Variants in REDIC1 observed in about 807,000 individuals in gnomAD.
REDIC1 encodes HEI10 Interacting Protein 1.
chr12:39,752,036 G>A, the REDIC1 span, among the ~76,000 whole-genome samples: 4 of 152,074 alleles, frequency 2.6e-5, no homozygotes, highest in African/African-American at 7.2e-5. Flanking sequence ...ATGTATCCTA[G>A]AACTTAAAGT....
At chr12:39,632,520 A>G in the REDIC1 span, among the ~76,000 whole-genome samples, 6 of 151,044 alleles carry the variant, frequency 4.0e-5, no homozygotes, top group Admixed American at 3.3e-4. Context: ...ATATACACAT[A>G]TATGTATATA....
chr12:39,833,182 T>A, the REDIC1 span, among the ~76,000 whole-genome samples: 1 of 152,158 alleles, frequency 6.6e-6, no homozygotes, highest in Admixed American at 6.6e-5. Flanking sequence ...ATTTCTTTAC[T>A]TATTGTTTAT....
the REDIC1 span, among the ~76,000 whole-genome samples, chr12:39,725,727 T>C: frequency 6.6e-6 from 1 of 151,414 alleles, no homozygotes; most frequent in Non-Finnish European, 1.5e-5. Flanking sequence ...TATTTATTCA[T>C]GTATATTTTA....
At chr12:39,643,930 A>G in the REDIC1 span, 1 of 1,509,462 alleles carries the variant, frequency 6.6e-7, no homozygotes, top group Admixed American at 2.0e-5. Context: ...AAGTCATTCC[A>G]ATTGCATTCT....
the REDIC1 span, among the ~76,000 whole-genome samples, chr12:39,748,333 A>T: frequency 6.6e-6 from 1 of 152,210 alleles, no homozygotes; most frequent in Non-Finnish European, 1.5e-5. Context: ...AAGCCATTAC[A>T]TAATGGTAAA....
the REDIC1 span, among the ~76,000 whole-genome samples, chr12:39,713,430 ATGTG>A: frequency 1.2e-4 from 1 of 8,650 alleles, no homozygotes; most frequent in Non-Finnish European, 6.8e-4. Context: ...ATATGTATAT[ATGTG>A]TACATATACA....
chr12:39,809,182 C>T, the REDIC1 span, among the ~76,000 whole-genome samples: 1 of 152,106 alleles, frequency 6.6e-6, no homozygotes, highest in Non-Finnish European at 1.5e-5. Context: ...ATTCTTTCCC[C>T]ATTGGATTAA....
the REDIC1 span, among the ~76,000 whole-genome samples, chr12:39,715,971 A>T: frequency 1.3e-5 from 2 of 152,004 alleles, no homozygotes; most frequent in Admixed American, 6.6e-5. Context: ...TGATGAAATA[A>T]GGGTATCAGA....
chr12:39,754,510 A>T, the REDIC1 span, among the ~76,000 whole-genome samples: 2 of 152,136 alleles, frequency 1.3e-5, no homozygotes, highest in African/African-American at 4.8e-5. Flanking sequence ...AGTCAGGCTC[A>T]GGAAGACACA....
At chr12:39,749,636 A>G in the REDIC1 span, among the ~76,000 whole-genome samples, 34 of 152,214 alleles carry the variant, frequency 2.2e-4, no homozygotes, top group Admixed American at 2.2e-3. Flanking sequence ...TTAGACCAAT[A>G]TCCCTGATGA....
At chr12:39,817,710 A>T in the REDIC1 span, among the ~76,000 whole-genome samples, 134 of 152,350 alleles carry the variant, frequency 8.8e-4, no homozygotes, top group African/African-American at 3.2e-3. Flanking sequence ...TATATATTTT[A>T]AAATATCTAT....
chr12:39,824,016 C>G, the REDIC1 span, among the ~76,000 whole-genome samples: 1 of 152,072 alleles, frequency 6.6e-6, no homozygotes, highest in Admixed American at 6.6e-5. Flanking sequence ...TCATTTATAA[C>G]TGTGATAATT....
chr12:39,701,678 C>T, the REDIC1 span, among the ~76,000 whole-genome samples: 1 of 152,176 alleles, frequency 6.6e-6, no homozygotes, highest in African/African-American at 2.4e-5. Context: ...AAATTGACCA[C>T]ATACTTGGAA....
At chr12:39,844,132 T>C in the REDIC1 span, among the ~76,000 whole-genome samples, 3 of 152,114 alleles carry the variant, frequency 2.0e-5, no homozygotes, top group African/African-American at 4.8e-5. Context: ...GATGTGTCCC[T>C]AAAAAGCTGT....
chr12:39,653,479 T>C, the REDIC1 span, among the ~76,000 whole-genome samples: 851 of 142,704 alleles, frequency 6.0e-3, 14 homozygotes, highest in African/African-American at 0.02. Flanking sequence ...ACCTCTCTCT[T>C]TTCAATCTGG....
the REDIC1 span, among the ~76,000 whole-genome samples, chr12:39,656,369 T>G: frequency 6.6e-6 from 1 of 152,194 alleles, no homozygotes; most frequent in Non-Finnish European, 1.5e-5. Context: ...TCTAGTGACA[T>G]CGTAGCTATT....
At chr12:39,705,654 A>G in the REDIC1 span, among the ~76,000 whole-genome samples, 5 of 152,140 alleles carry the variant, frequency 3.3e-5, no homozygotes, top group African/African-American at 1.2e-4. Context: ...AGAATGGTTC[A>G]AGATACACAA....
the REDIC1 span, chr12:39,626,373 C>G: frequency 2.5e-6 from 4 of 1,614,078 alleles, no homozygotes; most frequent in African/African-American, 1.3e-5. Flanking sequence ...AGTTGTGCAG[C>G]TGGAGTTTGA....
the REDIC1 span, among the ~76,000 whole-genome samples, chr12:39,905,259 C>G: frequency 3.3e-5 from 5 of 152,196 alleles, no homozygotes; most frequent in East Asian, 9.7e-4. Context: ...AGAACACACC[C>G]TGCATTCATC....
Sources: gnomAD v4.1 joint callset for allele counts (sites outside exome capture counted in the v4.1 genomes callset) on GRCh38, gnomAD v4.1.1 for gene constraint, MANE v1.5 for transcripts, NCBI Gene and HGNC (gene_info 2026-07-23, HGNC 2026-07-21) for gene names.